Variants in PPP2R3A observed in about 807,000 individuals in gnomAD.
PPP2R3A encodes serine/threonine-protein phosphatase 2A regulatory subunit B'' subunit alpha.
In PPP2R3A, 80 loss-of-function variants were observed where a neutral mutation model predicts 106.9. That is an observed-to-expected ratio of 0.75 (90% CI 0.62 to 0.90). The LOEUF is 0.90. Among genes scored for constraint, PPP2R3A ranks in the 40% least tolerant of loss-of-function variants. PPP2R3A has a pLI of 0.00. For synonymous variants in PPP2R3A, 483 were observed against 468.3 expected (o/e 1.03, Z -0.41); for missense variants, 1,386 against 1,350.4 (o/e 1.03, Z -0.41).
intron 13 of PPP2R3A, among the ~76,000 whole-genome samples, chr3:136,135,131 G>T: frequency 6.6e-6 from 1 of 152,104 alleles, no homozygotes; most frequent in Non-Finnish European, 1.5e-5. Flanking sequence ...GTTGCAGACA[G>T]AAGCACAGGT....
intron 13 of PPP2R3A, among the ~76,000 whole-genome samples, chr3:136,144,342 C>T (rs2108042523): frequency 6.6e-6 from 1 of 152,284 alleles, no homozygotes; most frequent in Admixed American, 6.5e-5. Context: ...CGGAGGGAAG[C>T]TATAAAGCAA....
intron 1 of PPP2R3A, among the ~76,000 whole-genome samples, chr3:135,996,080 G>C (rs1301297218): frequency 6.6e-6 from 1 of 152,070 alleles, no homozygotes; most frequent in Non-Finnish European, 1.5e-5. Context: ...TGACAACCAT[G>C]TCACAGTTCT....
At chr3:136,012,297 C>G (rs917350240) in intron 2 of PPP2R3A, among the ~76,000 whole-genome samples, 5 of 152,144 alleles carry the variant, frequency 3.3e-5, no homozygotes, top group African/African-American at 9.7e-5. Flanking sequence ...ATTTTAGGCT[C>G]TAATTCTTCC....
At chr3:136,125,887 T>C (rs1258064985) in intron 13 of PPP2R3A, among the ~76,000 whole-genome samples, 1 of 152,184 alleles carries the variant, frequency 6.6e-6, no homozygotes, top group Non-Finnish European at 1.5e-5. Flanking sequence ...AAAAGCACAT[T>C]ATCATTGACA....
chr3:135,979,186 C>G (rs1470589546), intron 1 of PPP2R3A, among the ~76,000 whole-genome samples: 1 of 151,622 alleles, frequency 6.6e-6, no homozygotes, highest in Non-Finnish European at 1.5e-5. Context: ...CAAGACCAGC[C>G]TGGCCAACAT....
intron 13 of PPP2R3A, among the ~76,000 whole-genome samples, chr3:136,114,163 A>G (rs4678361): frequency 0.75 from 113,887 of 151,920 alleles, 43,040 homozygotes; most frequent in East Asian, 0.87. Context: ...AGCAGAAGGG[A>G]TCAGGGAATT....
Position 136,106,329 on chromosome 3 carries a change from A to G in PPP2R3A, c.3329+7A>G, listed in dbSNP as rs75838206. ...AAGCACAATTCCAGGAAGGGTGAGTAAGTTTCCCTATGTCTTATAGAATTT... is the reference window on the plus strand; with the variant it reads ...AAGCACAATTCCAGGAAGGGTGAGTGAGTTTCCCTATGTCTTATAGAATTT... On this transcript the variant is annotated splice_region_variant and intron_variant, in intron 13 of 13. Transcript: ENST00000264977. 8.7e-3 allele frequency: 14,079 copies of G among 1,609,530 alleles called. 957 individuals are homozygous for G. The African/African-American group carries it at 0.15, about 17-fold the overall frequency.
intron 5 of PPP2R3A, chr3:136,055,399 AT>A: frequency 2.0e-6 from 2 of 988,568 alleles, no homozygotes; most frequent in Admixed American, 3.4e-5. Flanking sequence ...TGACCCTCTT[AT>A]CCCCTGTTGC....
At chr3:135,971,457 G>A (rs1222063143) in intron 1 of PPP2R3A, among the ~76,000 whole-genome samples, 1 of 152,150 alleles carries the variant, frequency 6.6e-6, no homozygotes, top group African/African-American at 2.4e-5. Context: ...GGTCAATTTT[G>A]TGCTTCATAT....
intron 1 of PPP2R3A, among the ~76,000 whole-genome samples, chr3:135,996,384 G>A (rs180795626): frequency 1.3e-5 from 2 of 152,102 alleles, no homozygotes; most frequent in East Asian, 3.9e-4. Context: ...TTTGCTTAAA[G>A]TTAGCAGAGG....
chr3:136,107,636 CT>C (rs886763265), intron 13 of PPP2R3A, among the ~76,000 whole-genome samples: 1 of 151,922 alleles, frequency 6.6e-6, no homozygotes, highest in African/African-American at 2.4e-5. Context: ...TAAATATTAT[CT>C]TTTTTGAGGG....
At chr3:136,115,850 A>G (rs1201545541) in intron 13 of PPP2R3A, among the ~76,000 whole-genome samples, 3 of 152,144 alleles carry the variant, frequency 2.0e-5, no homozygotes, top group Admixed American at 6.5e-5. Context: ...GAACTTTCCA[A>G]ACCTAGCAAG....
intron 8 of PPP2R3A, among the ~76,000 whole-genome samples, chr3:136,083,314 A>G (rs6774226): frequency 0.33 from 50,707 of 151,984 alleles, 9,075 homozygotes; most frequent in African/African-American, 0.44. Flanking sequence ...GAATCATGGG[A>G]GTGGGTCTTT....
At chr3:136,022,493 C>T (rs1226786431) in intron 2 of PPP2R3A, among the ~76,000 whole-genome samples, 1 of 152,008 alleles carries the variant, frequency 6.6e-6, no homozygotes, top group Non-Finnish European at 1.5e-5. Flanking sequence ...AAATAAAAAA[C>T]TATTCTTAAT....
At chr3:136,060,998 C>T (rs1936057151) in intron 5 of PPP2R3A, among the ~76,000 whole-genome samples, 1 of 151,900 alleles carries the variant, frequency 6.6e-6, no homozygotes, top group South Asian at 2.1e-4. Flanking sequence ...ATAAATTGTA[C>T]AATTTTATTT....
At chr3:136,055,998 C>T (rs1480182723) in intron 5 of PPP2R3A, among the ~76,000 whole-genome samples, 3 of 152,154 alleles carry the variant, frequency 2.0e-5, no homozygotes, top group Non-Finnish European at 4.4e-5. Flanking sequence ...CCAACATCAG[C>T]AGTCATCAAT....
At chr3:136,023,990 A>C (rs749896927) in intron 2 of PPP2R3A, among the ~76,000 whole-genome samples, 7 of 152,194 alleles carry the variant, frequency 4.6e-5, no homozygotes, top group Non-Finnish European at 1.0e-4. Flanking sequence ...GAATAATCTC[A>C]AATTATTTGG....
intron 3 of PPP2R3A, among the ~76,000 whole-genome samples, chr3:136,033,128 G>A (rs561582474): frequency 7.9e-5 from 12 of 152,200 alleles, no homozygotes; most frequent in African/African-American, 2.9e-4. Context: ...CATTTATTGA[G>A]ATGATCATGT....
intron 1 of PPP2R3A, among the ~76,000 whole-genome samples, chr3:135,976,825 T>C (rs934797123): frequency 2.0e-5 from 3 of 152,156 alleles, no homozygotes; most frequent in African/African-American, 7.2e-5. Context: ...ATTTAGATAT[T>C]TAAGTTCATC....
Sources: allele counts gnomAD v4.1 joint callset (sites outside exome capture counted in the v4.1 genomes callset), GRCh38; gene constraint gnomAD v4.1.1; transcripts MANE v1.5; gene names NCBI Gene and HGNC (gene_info 2026-07-23, HGNC 2026-07-21).